The following TMPRSS11B variants were observed in gnomAD, a reference collection of about 807,000 sequenced individuals.
TMPRSS11B encodes the protein transmembrane serine protease 11B, also known as transmembrane protease serine 11B.
A neutral mutation model predicts 44.7 loss-of-function variants in TMPRSS11B; 53 were observed. That is an observed-to-expected ratio of 1.19 (90% confidence interval 0.95 to 1.49). The LOEUF (loss-of-function observed/expected upper bound fraction) is 1.49. Among genes scored for constraint, TMPRSS11B ranks in the 40% most tolerant of loss-of-function variants. The probability of loss-of-function intolerance (pLI) is 0.00; values close to 1 mark genes in which losing one functional copy is unlikely to be tolerated. For synonymous variants in TMPRSS11B, 140 were observed against 159.2 expected (o/e 0.88, Z 0.91); for missense variants, 526 against 494.8 (o/e 1.06, Z -0.60).
chr4:68,244,465 A>G (rs191536638), intron 1 of TMPRSS11B, among the ~76,000 whole-genome samples: 21 of 152,344 alleles, frequency 1.4e-4, no homozygotes, highest in Admixed American at 1.4e-3. Flanking sequence ...TCTCTACCAA[A>G]AAATACAAAA....
intron 2 of TMPRSS11B, among the ~76,000 whole-genome samples, chr4:68,241,418 C>T (rs1198591647): frequency 6.6e-6 from 1 of 152,056 alleles, no homozygotes; most frequent in African/African-American, 2.4e-5. Flanking sequence ...TACAAGCCTA[C>T]TATAAGCTCC....
Position 68,228,766 on chromosome 4 carries a change from C to G in TMPRSS11B, c.1065G>C (p.Met355Ile). ...VTDTMLCAGF[M>I]SGEADACQND... is the part of the protein sequence containing the mutation. ...CCTGACATGCATCAGCTTCTCCTGA[C>G]ATAAATCCAGCACATAACATTGTAT... Residue 355 changes from methionine (M) to isoleucine (I), a missense_variant, in exon 9 of 10, where the codon ATG becomes ATC. Physicochemically the swap from Met to Ile is conservative, Grantham distance 10 (BLOSUM62 1). Coordinates refer to ENST00000332644, the MANE Select transcript of TMPRSS11B (RefSeq NM_182502.3). 1 of 1,612,448 alleles carries G rather than the reference C, an allele frequency of 6.2e-7. No homozygotes were observed. The highest frequency in any genetic ancestry group is 1.1e-5 in the South Asian group (1 of 90,700).
At chr4:68,237,735 C>T (rs1719711604) in intron 2 of TMPRSS11B, among the ~76,000 whole-genome samples, 1 of 152,138 alleles carries the variant, frequency 6.6e-6, no homozygotes, top group Admixed American at 6.5e-5. Flanking sequence ...ATAGGAATTA[C>T]CAAGATGCAG....
intron 5 of TMPRSS11B, among the ~76,000 whole-genome samples, chr4:68,233,514 TG>T (rs1719577083): frequency 6.6e-6 from 1 of 152,134 alleles, no homozygotes; most frequent in Admixed American, 6.5e-5. Context: ...CATTTTTCTG[TG>T]AGAAGCTTTT....
rs1303462767 is a variant in TMPRSS11B at position 68,227,398 on chromosome 4, T to C, written c.*513A>G. The C allele has an allele frequency of 7.1e-6, 1 of 140,386 alleles. No individual in the cohort carries two copies. The highest frequency in any genetic ancestry group is 1.5e-5 in the Non-Finnish European group (1 of 66,920). The allele number at this position is 140,386 out of a possible 1,614,324, so 8.7% of individuals were successfully genotyped here. A position where few individuals can be genotyped will look rare whatever the true frequency, so the allele number is the denominator to read the frequency against. On this transcript the variant is annotated 3_prime_UTR_variant, in exon 10 of 10. Coordinates refer to ENST00000332644, the MANE Select transcript of TMPRSS11B (RefSeq NM_182502.3). ...TTATATATTAGCCTTCTTTATTTTCTTCTCTCCTTTTTTTTTTTTTTTTTT... is the reference window on the plus strand; with the variant it reads ...TTATATATTAGCCTTCTTTATTTTCCTCTCTCCTTTTTTTTTTTTTTTTTT...
At chr4:68,238,279 T>C (rs9994462) in intron 2 of TMPRSS11B, among the ~76,000 whole-genome samples, 3,040 of 152,214 alleles carry the variant, frequency 0.02, 97 homozygotes, top group African/African-American at 0.069. Flanking sequence ...GTAACCAATA[T>C]ATACAAAAGT....
intron 1 of TMPRSS11B, among the ~76,000 whole-genome samples, chr4:68,244,158 C>A (rs1719939092): frequency 6.6e-6 from 1 of 152,068 alleles, no homozygotes; most frequent in Non-Finnish European, 1.5e-5. Context: ...TCTCATTTAC[C>A]AAATTAATTT....
At chr4:68,243,628 T>C (rs1159979815) in intron 1 of TMPRSS11B, among the ~76,000 whole-genome samples, 1 of 152,196 alleles carries the variant, frequency 6.6e-6, no homozygotes, top group African/African-American at 2.4e-5. Flanking sequence ...TTTAATACAG[T>C]ATTTATAACT....
chr4:68,230,589 A>T (rs1577975336), intron 7 of TMPRSS11B, among the ~76,000 whole-genome samples: 1 of 152,128 alleles, frequency 6.6e-6, no homozygotes, highest in African/African-American at 2.4e-5. Context: ...GGATCACTTA[A>T]GGTCAGGAGT....
Position 68,227,877 on chromosome 4 carries a change from G to T in TMPRSS11B, c.*34C>A, listed in dbSNP as rs1416315080. 2 of 1,540,974 alleles carry T rather than the reference G, an allele frequency of 1.3e-6. No homozygotes were observed. Among genetic ancestry groups the T allele is most frequent in the Admixed American group, 4.1e-5 (2 of 48,880 alleles). On this transcript the variant is annotated 3_prime_UTR_variant, in exon 10 of 10. Transcript: ENST00000332644. ...GCCACAGATAAGGATAGCCTACAGT[G>T]GTCTTTATGTTCCTTTGTATAATTC...
chr4:68,240,465 C>A (rs1719793830), intron 2 of TMPRSS11B, among the ~76,000 whole-genome samples: 2 of 152,144 alleles, frequency 1.3e-5, no homozygotes, highest in Admixed American at 1.3e-4. Context: ...CATGCACCTC[C>A]TGCTCCAGCC....
chr4:68,242,383 TA>T (rs1347304855), intron 1 of TMPRSS11B, among the ~76,000 whole-genome samples: 8 of 80,222 alleles, frequency 1.0e-4, no homozygotes, highest in African/African-American at 3.9e-4. Flanking sequence ...ATTATATATA[TA>T]ATATATAATA....
In TMPRSS11B at chr4:68,228,862, T is replaced by C. The variant is rs1719428356; in HGVS notation, c.969A>G (p.Gln323=). 6.2e-7 allele frequency: 1 copy of C among 1,613,126 alleles called. No homozygotes were observed. Among genetic ancestry groups the C allele is most frequent in the Non-Finnish European group, 8.5e-7 (1 of 1,179,724 alleles). The change falls in exon 9 of 10, where the codon CAA becomes CAG. Residue 323 remains glutamine (Q), a synonymous_variant. Coordinates refer to ENST00000332644, the MANE Select transcript of TMPRSS11B (RefSeq NM_182502.3). ...TGTCAATAATCTTCAAAAAGTCTTC[T>C]TGAAGTATCACTGGAAATGAACCTA... ...YMNGSFPVIL[Q]EDFLKIIDNK...
chr4:68,234,631 C>T lies in TMPRSS11B; in HGVS notation c.309-8G>A. On this transcript the variant is annotated splice_region_variant and splice_polypyrimidine_tract_variant and intron_variant, in intron 4 of 9. Transcript: ENST00000332644. ...GAACCATTGGCATTAGGCCTAGAAA[C>T]AACAGAAATTTTCTAATGTACTGTT... 2 of 1,612,032 alleles carry T rather than the reference C, an allele frequency of 1.2e-6. No homozygotes were observed. Among genetic ancestry groups the T allele is most frequent in the Non-Finnish European group, 1.7e-6 (2 of 1,179,498 alleles).
intron 5 of TMPRSS11B, among the ~76,000 whole-genome samples, chr4:68,233,461 A>G (rs1719575329): frequency 6.6e-6 from 1 of 152,130 alleles, no homozygotes; most frequent in Non-Finnish European, 1.5e-5. Flanking sequence ...AAACCTTCAC[A>G]ATCTTTACAA....
intron 4 of TMPRSS11B, among the ~76,000 whole-genome samples, chr4:68,235,227 T>C (rs769329774): frequency 2.6e-5 from 4 of 152,214 alleles, no homozygotes; most frequent in Non-Finnish European, 5.9e-5. Context: ...TGGAAGACTT[T>C]CAAACCAAAG....
chr4:68,235,911 T>C, intron 4 of TMPRSS11B, 91 bp downstream of exon 4: 1 of 622,274 alleles, frequency 1.6e-6, no homozygotes. Context: ...TCTTTATGTT[T>C]GTTTTTTGTT....
chr4:68,243,022 T>A (rs1719902213), intron 1 of TMPRSS11B, among the ~76,000 whole-genome samples: 1 of 152,212 alleles, frequency 6.6e-6, no homozygotes, highest in African/African-American at 2.4e-5. Flanking sequence ...AGTTTATGGT[T>A]ACAGTTACAT....
rs116562587 is a variant in TMPRSS11B at position 68,239,260 on chromosome 4, T to C, written c.124+2429A>G. On this transcript the variant is annotated intron_variant, in intron 2 of 9. Transcript: ENST00000332644. ...GACCAGATCTCTCTTGCGCGCTCTCTCTCGCGCGCGCGCTCTCTCTCTCGC... is the reference window on the plus strand; with the variant it reads ...GACCAGATCTCTCTTGCGCGCTCTCCCTCGCGCGCGCGCTCTCTCTCTCGC... Among the ~76,000 whole-genome samples, 355 of 145,016 alleles carry C rather than the reference T, an allele frequency of 2.4e-3. 6 individuals are homozygous for C. Among genetic ancestry groups the C allele is most frequent in the African/African-American group, 9.0e-3 (330 of 36,604 alleles).
Sources: gnomAD v4.1 joint callset for allele counts (sites outside exome capture counted in the v4.1 genomes callset) on GRCh38, gnomAD v4.1.1 for gene constraint, MANE v1.5 for transcripts, NCBI Gene and HGNC (gene_info 2026-07-23, HGNC 2026-07-21) for gene names.